Variants in NKD1 observed in about 807,000 individuals in gnomAD.
NKD1 encodes the protein protein naked cuticle homolog 1.
NKD1 carries 21 observed loss-of-function variants against 56.0 expected under a neutral mutation model. The observed-to-expected ratio is 0.38, with a 90% CI of 0.27 to 0.54. The LOEUF (loss-of-function observed/expected upper bound fraction) is 0.54. Ranked by LOEUF, NKD1 falls within the 20% of genes least tolerant of loss-of-function variation. The pLI, the probability that NKD1 is intolerant of heterozygous loss-of-function variation, is 0.82. For missense variants in NKD1, 578 were observed against 642.7 expected, an observed-to-expected ratio of 0.90 and a Z score of 1.09; for synonymous variants, 263 against 265.7, an observed-to-expected ratio of 0.99 and a Z score of 0.10.
rs1167248499 is a variant in NKD1 at position 50,632,716 on chromosome 16, G to T, written c.823+308G>T. Among the ~76,000 whole-genome samples, 8 of 152,088 alleles carry T rather than the reference G, an allele frequency of 5.3e-5. No homozygotes were observed. Among genetic ancestry groups the T allele is most frequent in the Non-Finnish European group, 1.0e-4 (7 of 68,016 alleles). On this transcript the variant is annotated intron_variant, in intron 9 of 9. Transcript: ENST00000268459. This position sits in a 1 kb window ranked among gnomAD's most constrained non-coding sequence, Gnocchi z 4.1. ...GGGGCAACCACTTTGACCTCTCCTG[G>T]CTGTTTCTTCCAGCAAGAACCTCGG...
Position 50,641,440 on chromosome 16 carries a change from G to A in NKD1, c.*7659G>A, listed in dbSNP as rs1962578189. ...ATGTGTCATGTTTGACCCATCAAGGGTTTCAAAAATTTTTAATTAATTTCC... is the reference window on the plus strand; with the variant it reads ...ATGTGTCATGTTTGACCCATCAAGGATTTCAAAAATTTTTAATTAATTTCC... On this transcript the variant is annotated 3_prime_UTR_variant, in exon 10 of 10. Coordinates refer to ENST00000268459, the MANE Select transcript of NKD1 (RefSeq NM_033119.5). 6.6e-6 allele frequency: 1 copy of A among 152,152 alleles called. No homozygotes were observed. Among genetic ancestry groups the A allele is most frequent in the African/African-American group, 2.4e-5 (1 of 41,434 alleles). 9.4% of individuals were successfully genotyped at this position (152,152 alleles called of 1,614,324 possible). A position where few individuals can be genotyped will look rare whatever the true frequency, so the allele number is the denominator to read the frequency against.
chr16:50,595,728 T>G (rs1035457521), intron 3 of NKD1, among the ~76,000 whole-genome samples: 1 of 152,152 alleles, frequency 6.6e-6, no homozygotes, highest in Non-Finnish European at 1.5e-5. Context: ...GTCACTGCCA[T>G]GAAGACCTTC....
intron 3 of NKD1, among the ~76,000 whole-genome samples, chr16:50,568,864 G>A (rs1021117130): frequency 3.3e-5 from 5 of 152,182 alleles, no homozygotes; most frequent in Admixed American, 3.3e-4. Context: ...GTGGAAGAAG[G>A]ATGCATGCTA....
intron 4 of NKD1, among the ~76,000 whole-genome samples, chr16:50,617,275 C>T (rs79336036): frequency 6.6e-6 from 1 of 152,210 alleles, no homozygotes; most frequent in Admixed American, 6.5e-5. Context: ...CTTTCGCTCT[C>T]TCTTCCTCCC....
chr16:50,582,061 C>T (rs920489604), intron 3 of NKD1, among the ~76,000 whole-genome samples: 1 of 152,098 alleles, frequency 6.6e-6, no homozygotes, highest in African/African-American at 2.4e-5. Flanking sequence ...GCCCAGCCAT[C>T]GTAAGGCAGC....
At chr16:50,599,608 G>C (rs916484050) in intron 3 of NKD1, among the ~76,000 whole-genome samples, 1 of 152,180 alleles carries the variant, frequency 6.6e-6, no homozygotes, top group African/African-American at 2.4e-5. Context: ...CACTGACTAA[G>C]ACTGGTTATC....
chr16:50,625,453 G>A (rs1445693575), intron 5 of NKD1, 32 bp from the exon 6 acceptor site: 2 of 1,497,972 alleles, frequency 1.3e-6, no homozygotes, highest in Non-Finnish European at 1.9e-6. Context: ...CCACAGATAG[G>A]GGACCAGCCC....
rs1962725211 is a variant in NKD1 at position 50,648,707 on chromosome 16, T to C, written c.*14926T>C. On this transcript the variant is annotated 3_prime_UTR_variant, in exon 10 of 10. Coordinates refer to ENST00000268459, the MANE Select transcript of NKD1 (RefSeq NM_033119.5). ...TCTCAGACTCCTTCGCAAATAAATT[T>C]TGTGACTAAACTCTAGTCAACAGTA... is the stretch of plus-strand genomic sequence containing the variant. 6.6e-6 allele frequency: 1 copy of C among 152,242 alleles called. No individual in the cohort carries two copies. The highest frequency in any genetic ancestry group is 1.5e-5 in the Non-Finnish European group (1 of 68,042). 9.4% of individuals were successfully genotyped at this position (152,242 alleles called of 1,614,324 possible).
At position 50,598,319 on chromosome 16, in the gene NKD1, G is replaced by A. The variant is rs891025285; in HGVS notation, c.193-9975G>A. On this transcript the variant is annotated intron_variant, in intron 3 of 9. Transcript: ENST00000268459. This position sits in a 1 kb window ranked among gnomAD's most constrained non-coding sequence, Gnocchi z 4.2. ...TCCTGTCCGTAAAATGAGGCCTCAGGGTATAGGAATCAAGAGGCTCTTACT... is the reference window on the plus strand; with the variant it reads ...TCCTGTCCGTAAAATGAGGCCTCAGAGTATAGGAATCAAGAGGCTCTTACT... Among the ~76,000 whole-genome samples the A allele has an allele frequency of 1.3e-5, 2 of 151,804 alleles. No individual in the cohort carries two copies. The highest frequency in any genetic ancestry group is 2.4e-5 in the African/African-American group (1 of 41,260).
intron 3 of NKD1, among the ~76,000 whole-genome samples, chr16:50,580,695 G>A (rs752607150): frequency 1.3e-5 from 2 of 152,302 alleles, no homozygotes; most frequent in Middle Eastern, 3.4e-3. Flanking sequence ...ATTTCACTCA[G>A]AACTCCAGAT....
At chr16:50,615,827 C>G (rs1961947492) in intron 4 of NKD1, among the ~76,000 whole-genome samples, 2 of 152,230 alleles carry the variant, frequency 1.3e-5, no homozygotes, top group African/African-American at 2.4e-5. Flanking sequence ...CTTCACCAGC[C>G]TCTCCATGCA....
rs1962410415 is a variant in NKD1 at position 50,633,853 on chromosome 16, A to G, written c.*72A>G. ...CGACACCACAAGGCATTATTATTCT[A>G]TTAATTATTGTTATTATGATGATTA... On this transcript the variant is annotated 3_prime_UTR_variant, in exon 10 of 10. Transcript: ENST00000268459. The surrounding 1 kb of genome is among the most constrained non-coding windows in gnomAD (Gnocchi z 4.9). The G allele has an allele frequency of 1.5e-6, 1 of 681,974 alleles. No homozygotes were observed. The highest frequency in any genetic ancestry group is 3.0e-5 in the East Asian group (1 of 33,508). The allele number at this position is 681,974 out of a possible 1,614,324, so 42.2% of individuals were successfully genotyped here.
chr16:50,594,250 A>G (rs1306180742), intron 3 of NKD1, among the ~76,000 whole-genome samples: 1 of 152,184 alleles, frequency 6.6e-6, no homozygotes. Flanking sequence ...CTGGCCTCTC[A>G]CGTAGCTGGA....
intron 3 of NKD1, among the ~76,000 whole-genome samples, chr16:50,563,145 A>T (rs1221550409): frequency 6.6e-6 from 1 of 152,242 alleles, no homozygotes; most frequent in African/African-American, 2.4e-5. Context: ...GGACTCAGAG[A>T]CTGCCTAAAT....
chr16:50,589,489 C>T (rs547400787), intron 3 of NKD1, among the ~76,000 whole-genome samples: 1 of 152,292 alleles, frequency 6.6e-6, no homozygotes, highest in South Asian at 2.1e-4. Context: ...GCAGCTGGCA[C>T]TTGCAGCCCA....
intron 3 of NKD1, among the ~76,000 whole-genome samples, chr16:50,566,556 C>A (rs546849090): frequency 6.6e-6 from 1 of 152,338 alleles, no homozygotes; most frequent in African/African-American, 2.4e-5. Context: ...ATCCCTTGAA[C>A]CTCCCTAATG....
Position 50,562,830 on chromosome 16 carries a change from C to T in NKD1, c.192+13275C>T, listed in dbSNP as rs148252818. Among the ~76,000 whole-genome samples, 397 of 152,250 alleles carry T rather than the reference C, an allele frequency of 2.6e-3. 3 individuals carry two copies. The highest frequency in any genetic ancestry group is 8.9e-3 in the African/African-American group (370 of 41,520). On this transcript the variant is annotated intron_variant, in intron 3 of 9. Coordinates refer to ENST00000268459, the MANE Select transcript of NKD1 (RefSeq NM_033119.5). ...GAGCGACCCTACAGAGAAGCCAGTGCAGGCCCTCACTCATGACAAGCTCTC... is the reference window on the plus strand; with the variant it reads ...GAGCGACCCTACAGAGAAGCCAGTGTAGGCCCTCACTCATGACAAGCTCTC...
At chr16:50,571,505 C>G in intron 3 of NKD1, 2 of 985,408 alleles carry the variant, frequency 2.0e-6, no homozygotes, top group Non-Finnish European at 2.4e-6. Flanking sequence ...GCAGCCTTCC[C>G]CACCAACTCT....
intron 3 of NKD1, chr16:50,570,772 G>C (rs1033156124): frequency 1.0e-6 from 1 of 981,030 alleles, no homozygotes; most frequent in Non-Finnish European, 1.2e-6. Context: ...CCACTCCCAG[G>C]ATCTATGGAG....
Sources: allele counts gnomAD v4.1 joint callset (sites outside exome capture counted in the v4.1 genomes callset), GRCh38; gene constraint gnomAD v4.1.1; non-coding constraint Gnocchi (gnomAD v3.1); transcripts MANE v1.5; gene names NCBI Gene and HGNC (gene_info 2026-07-23, HGNC 2026-07-21).